MILR1: variants seen among roughly 807,000 people sequenced by gnomAD.
MILR1 encodes the protein allergin-1.
Under a neutral mutation model 18.5 loss-of-function variants are expected in MILR1, and 31 were observed. The observed-to-expected ratio is 1.68, with a 90% confidence interval of 1.26 to 2.26. The LOEUF (loss-of-function observed/expected upper bound fraction) is 2.26, where lower values mean the gene tolerates loss of function less well. MILR1 is among the 30% of genes most tolerant of loss of function. The pLI, the probability that MILR1 is intolerant of heterozygous loss-of-function variation, is 0.00. For synonymous variants in MILR1, 85 were observed against 56.2 expected (o/e 1.51, Z -2.30); for missense variants, 257 against 157.4 (o/e 1.63, Z -3.38).
intron 3 of MILR1, among the ~76,000 whole-genome samples, chr17:64,456,035 C>T (rs1249610972): frequency 1.3e-5 from 2 of 151,802 alleles, no homozygotes; most frequent in African/African-American, 2.4e-5. Context: ...AGTGAGACTC[C>T]GTCTCAAAAC....
the MILR1 span, chr17:64,485,182 T>G: frequency 6.5e-6 from 1 of 155,032 alleles, no homozygotes; most frequent in African/African-American, 2.4e-5. Context: ...CTTGCCCCAT[T>G]AATCATTTCT....
chr17:64,456,647 C>T (rs2037307430), intron 3 of MILR1, among the ~76,000 whole-genome samples: 1 of 152,042 alleles, frequency 6.6e-6, no homozygotes, highest in African/African-American at 2.4e-5. Context: ...TCTGTCTCTA[C>T]AAAACATTTA....
the MILR1 span, chr17:64,483,030 C>A: frequency 9.0e-7 from 1 of 1,105,442 alleles, no homozygotes. Context: ...AGGGAGAAGA[C>A]AGGAAAGGGG....
chr17:64,493,110 G>A, the MILR1 span: 24 of 1,340,630 alleles, frequency 1.8e-5, no homozygotes, highest in East Asian at 2.3e-5. Flanking sequence ...TAGTAATAAC[G>A]TTAACACAGC....
At chr17:64,453,533 TCG>T in intron 3 of MILR1, among the ~76,000 whole-genome samples, 1 of 142,846 alleles carries the variant, frequency 7.0e-6, no homozygotes, top group African/African-American at 2.8e-5. Context: ...TGGGCAAAAA[TCG>T]CTTTTTTTTT....
intron 3 of MILR1, among the ~76,000 whole-genome samples, chr17:64,456,686 TC>T (rs2037308549): frequency 6.6e-6 from 1 of 151,946 alleles, no homozygotes. Flanking sequence ...GCACCTGTAG[TC>T]CCAGCTACAG....
chr17:64,490,571 T>C, the MILR1 span: 1 of 539,574 alleles, frequency 1.9e-6, no homozygotes, highest in Non-Finnish European at 3.3e-6. Flanking sequence ...AATGCCATTA[T>C]TGAGATAATC....
the MILR1 span, among the ~76,000 whole-genome samples, chr17:64,488,940 G>A: frequency 4.0e-5 from 6 of 151,460 alleles, no homozygotes; most frequent in Admixed American, 4.0e-4. Flanking sequence ...GTGAGATGCT[G>A]TCTCAAAAAA....
At chr17:64,460,497 C>A (rs1319180546) in intron 4 of MILR1, among the ~76,000 whole-genome samples, 1 of 152,244 alleles carries the variant, frequency 6.6e-6, no homozygotes, top group Non-Finnish European at 1.5e-5. Flanking sequence ...GCCATCACAC[C>A]TGGCTAATTT....
chr17:64,490,786 T>C, the MILR1 span: 28 of 1,606,086 alleles, frequency 1.7e-5, 1 homozygote, highest in Middle Eastern at 1.7e-4. Context: ...GAGCTCCAGG[T>C]AAAACATACA....
chr17:64,464,496 T>G (rs1410209195), intron 5 of MILR1, among the ~76,000 whole-genome samples: 1 of 151,940 alleles, frequency 6.6e-6, no homozygotes, highest in Non-Finnish European at 1.5e-5. Context: ...CACCTCAGCT[T>G]CCCAAAGCAC....
the MILR1 span, chr17:64,490,850 GT>G: frequency 6.2e-7 from 1 of 1,613,528 alleles, no homozygotes; most frequent in Admixed American, 1.7e-5. Flanking sequence ...GATCTCCTAG[GT>G]TCCACAGGGT....
downstream of MILR1, among the ~76,000 whole-genome samples, chr17:64,472,176 A>G (rs1384005771): frequency 1.3e-5 from 2 of 152,152 alleles, no homozygotes; most frequent in Non-Finnish European, 2.9e-5. Context: ...GAAATCATAA[A>G]CTAAATCCAA....
At chr17:64,479,476 C>T in the MILR1 span, among the ~76,000 whole-genome samples, 5,191 of 152,052 alleles carry the variant, frequency 0.034, 304 homozygotes, top group African/African-American at 0.12. Flanking sequence ...TGAGCCACTG[C>T]GCCCAGCCTG....
the MILR1 span, chr17:64,480,423 G>C: frequency 9.8e-7 from 1 of 1,015,654 alleles, no homozygotes; most frequent in Non-Finnish European, 1.6e-6. Context: ...AAATATGAAA[G>C]AAATAATGGT....
chr17:64,478,080 C>T, the MILR1 span: 2 of 1,344,028 alleles, frequency 1.5e-6, no homozygotes, highest in Non-Finnish European at 2.1e-6. Flanking sequence ...TTCATGCACT[C>T]TCAAGAGTCA....
chr17:64,484,494 T>C, the MILR1 span, among the ~76,000 whole-genome samples: 3,626 of 152,250 alleles, frequency 0.024, 151 homozygotes, highest in African/African-American at 0.084. Flanking sequence ...GAAGCTTTCC[T>C]GGAGTGTTCT....
chr17:64,465,918 A>C (rs1410219447), intron 6 of MILR1, among the ~76,000 whole-genome samples: 1 of 152,124 alleles, frequency 6.6e-6, no homozygotes, highest in African/African-American at 2.4e-5. Flanking sequence ...TTTGCAGTAA[A>C]CAAGACCCAG....
At chr17:64,467,064 T>TTC (rs1196738099) in intron 8 of MILR1, among the ~76,000 whole-genome samples, 66 of 150,724 alleles carry the variant, frequency 4.4e-4, no homozygotes, top group African/African-American at 1.5e-3. Flanking sequence ...TTTCTTTTCT[T>TTC]TCTCTCTCTC....
Sources: gnomAD v4.1 joint callset for allele counts (sites outside exome capture counted in the v4.1 genomes callset) on GRCh38, gnomAD v4.1.1 for gene constraint, MANE v1.5 for transcripts, NCBI Gene and HGNC (gene_info 2026-07-23, HGNC 2026-07-21) for gene names.